LARP4B: variants seen among roughly 807,000 people sequenced by gnomAD.
LARP4B encodes la-related protein 4B.
A neutral mutation model predicts 89.8 loss-of-function variants in LARP4B; 12 were observed. The ratio of observed to expected loss-of-function variants is 0.13; its 90% confidence interval spans 0.09 to 0.22. The LOEUF (loss-of-function observed/expected upper bound fraction) is 0.22. Among genes scored for constraint, LARP4B ranks in the 10% least tolerant of loss-of-function variants. The pLI is 1.00. For synonymous variants in LARP4B, 367 were observed against 363.3 expected (o/e 1.01, Z -0.12); for missense variants, 757 against 947.7 (o/e 0.80, Z 2.64).
At chr10:835,424 G>A (rs746057640) in intron 8 of LARP4B, among the ~76,000 whole-genome samples, 1 of 152,180 alleles carries the variant, frequency 6.6e-6, no homozygotes, top group Non-Finnish European at 1.5e-5. Flanking sequence ...AATCATGTGA[G>A]AGATGAGACC....
At chr10:963,210 T>C in the LARP4B span, among the ~76,000 whole-genome samples, 1 of 152,162 alleles carries the variant, frequency 6.6e-6, no homozygotes. Context: ...TTTAACCATA[T>C]GTTTAAAATG....
At chr10:969,917 G>A in the LARP4B span, among the ~76,000 whole-genome samples, 2 of 152,168 alleles carry the variant, frequency 1.3e-5, no homozygotes, top group South Asian at 4.1e-4. Context: ...TGAGCATTTT[G>A]GCAGTCATGA....
At chr10:904,867 G>C (rs1836446727) in intron 1 of LARP4B, among the ~76,000 whole-genome samples, 1 of 152,218 alleles carries the variant, frequency 6.6e-6, no homozygotes, top group Non-Finnish European at 1.5e-5. Context: ...TATAAATCCA[G>C]AACCAGGCAC....
intron 8 of LARP4B, among the ~76,000 whole-genome samples, chr10:836,035 C>A (rs568959918): frequency 6.6e-6 from 1 of 152,054 alleles, no homozygotes; most frequent in East Asian, 1.9e-4. Context: ...ATTCACGATG[C>A]CCCTTTGTCA....
At chr10:977,373 G>A in the LARP4B span, among the ~76,000 whole-genome samples, 26 of 151,960 alleles carry the variant, frequency 1.7e-4, no homozygotes, top group African/African-American at 6.3e-4. Context: ...TTGAACTCCT[G>A]GGCTGAAGAG....
At chr10:831,036 C>A in intron 8 of LARP4B, 59 bp from the exon 9 acceptor site, 1 of 714,680 alleles carries the variant, frequency 1.4e-6, no homozygotes, top group Non-Finnish European at 2.4e-6. Context: ...TTGTCCTCAC[C>A]AAAAATTTTT....
chr10:915,265 ACAGAGCAGAC>A (rs1836788344), intron 1 of LARP4B, among the ~76,000 whole-genome samples: 1 of 152,136 alleles, frequency 6.6e-6, no homozygotes, highest in Non-Finnish European at 1.5e-5. Flanking sequence ...ACCCCAGGCA[ACAGAGCAGAC>A]CCTGTCTCCA....
chr10:969,546 A>G, the LARP4B span, among the ~76,000 whole-genome samples: 1 of 152,106 alleles, frequency 6.6e-6, no homozygotes. Context: ...CCTGGCCAAC[A>G]TGGCAAAATC....
At chr10:986,292 G>A in the LARP4B span, 1 of 152,230 alleles carries the variant, frequency 6.6e-6, no homozygotes. Flanking sequence ...GTACCTTTCT[G>A]TCACAAGGTA....
chr10:933,118 A>T (rs1830701128), upstream of LARP4B: 1 of 152,238 alleles, frequency 6.6e-6, no homozygotes, highest in African/African-American at 2.4e-5. Flanking sequence ...CAAACAAAGT[A>T]TGTTGCGTTT....
At chr10:828,144 G>T (rs1832722675) in intron 11 of LARP4B, among the ~76,000 whole-genome samples, 3 of 152,182 alleles carry the variant, frequency 2.0e-5, no homozygotes, top group Admixed American at 6.5e-5. Context: ...CCTCAGGACA[G>T]CTAAGCACCT....
intron 3 of LARP4B, among the ~76,000 whole-genome samples, chr10:871,313 C>A (rs921282057): frequency 6.6e-6 from 1 of 152,182 alleles, no homozygotes; most frequent in Admixed American, 6.5e-5. Context: ...GTGAAGAGAT[C>A]TGGAGTGACT....
At chr10:978,245 G>A in the LARP4B span, among the ~76,000 whole-genome samples, 1 of 152,090 alleles carries the variant, frequency 6.6e-6, no homozygotes, top group Non-Finnish European at 1.5e-5. Context: ...TTAAATTTAA[G>A]ATGGATGTTT....
At chr10:927,956 C>A (rs1465481082) in intron 1 of LARP4B, among the ~76,000 whole-genome samples, 1 of 151,956 alleles carries the variant, frequency 6.6e-6, no homozygotes, top group Admixed American at 6.6e-5. Context: ...CTCACGCCTG[C>A]AATCCCAGCA....
At chr10:913,362 G>T (rs1331304625) in intron 1 of LARP4B, among the ~76,000 whole-genome samples, 1 of 152,162 alleles carries the variant, frequency 6.6e-6, no homozygotes, top group Admixed American at 6.5e-5. Context: ...CAAAATATAT[G>T]AAACACCTCT....
At chr10:813,525 G>A (rs116052695) in intron 17 of LARP4B, among the ~76,000 whole-genome samples, 327 of 152,330 alleles carry the variant, frequency 2.1e-3, no homozygotes, top group African/African-American at 7.5e-3. Flanking sequence ...GAGTCCGGAT[G>A]CTGCCCACAC....
intron 5 of LARP4B, among the ~76,000 whole-genome samples, chr10:850,005 G>A (rs988391957): frequency 6.6e-5 from 10 of 152,180 alleles, no homozygotes; most frequent in African/African-American, 1.9e-4. Context: ...CTGAGATCCC[G>A]CAACAGAAAA....
chr10:888,349 AAC>A (rs371606937), intron 1 of LARP4B, among the ~76,000 whole-genome samples: 3,196 of 151,088 alleles, frequency 0.021, 63 homozygotes, highest in Admixed American at 0.06. Context: ...AAAAAAAAAA[AAC>A]ACACACACAC....
intron 7 of LARP4B, among the ~76,000 whole-genome samples, chr10:837,603 C>T (rs1833291853): frequency 6.6e-6 from 1 of 152,170 alleles, no homozygotes; most frequent in Non-Finnish European, 1.5e-5. Context: ...TCCAATCAGA[C>T]AAGTAATCAA....
Sources: allele counts gnomAD v4.1 joint callset (sites outside exome capture counted in the v4.1 genomes callset), GRCh38; gene constraint gnomAD v4.1.1; transcripts MANE v1.5; gene names NCBI Gene and HGNC (gene_info 2026-07-23, HGNC 2026-07-21).